Variants in INTS9 observed in about 807,000 individuals in gnomAD.
The protein encoded by INTS9 is protein related to CPSF subunits of 74 kDa.
In INTS9, 55 loss-of-function variants were observed where a neutral mutation model predicts 79.7. That is an observed-to-expected ratio of 0.69 (90% CI 0.56 to 0.86). The LOEUF (loss-of-function observed/expected upper bound fraction) is 0.86, where lower values mean the gene tolerates loss of function less well. Ranked by LOEUF, INTS9 falls within the 40% of genes least tolerant of loss-of-function variation. The pLI is 0.00. For synonymous variants in INTS9, 319 were observed against 325.2 expected, an observed-to-expected ratio of 0.98 and a Z score of 0.20; for missense variants, 721 against 831.5, an observed-to-expected ratio of 0.87 and a Z score of 1.64.
chr8:28,837,277 T>C (rs528068590), intron 5 of INTS9, among the ~76,000 whole-genome samples: 64 of 151,660 alleles, frequency 4.2e-4, no homozygotes, highest in Middle Eastern at 3.6e-3. Context: ...AGCAATAAAA[T>C]TTCTTCTTCT....
In INTS9 at chr8:28,773,421, G is replaced by A. The variant is rs1188895717; in HGVS notation, c.1563+2338C>T. Among the ~76,000 whole-genome samples, 8 of 141,044 alleles carry A rather than the reference G, an allele frequency of 5.7e-5. No individual in the cohort carries two copies. In the East Asian group the frequency reaches 1.5e-3, roughly 26 times the overall value. 92.5% of individuals were successfully genotyped at this position (141,044 alleles called of 152,430 possible). ...GGAGCTTGCAGTGAGCCAAGATCGC[G>A]CCAATGCACTCCAGCTTGGGTGACA... On this transcript the variant is annotated intron_variant, in intron 14 of 16. Coordinates refer to ENST00000521022, the MANE Select transcript of INTS9 (RefSeq NM_018250.4).
At chr8:28,878,278 G>C (rs77164365) in intron 1 of INTS9, among the ~76,000 whole-genome samples, 8,212 of 152,178 alleles carry the variant, frequency 0.054, 360 homozygotes, top group Non-Finnish European at 0.079. Flanking sequence ...TTCTGGAAAG[G>C]AGGATAAAGA....
intron 1 of INTS9, among the ~76,000 whole-genome samples, chr8:28,882,412 G>A (rs1379461104): frequency 2.2e-5 from 3 of 137,796 alleles, no homozygotes; most frequent in African/African-American, 5.3e-5. Flanking sequence ...ATTGTCCTAT[G>A]ACCCTGCCAA....
intron 1 of INTS9, among the ~76,000 whole-genome samples, chr8:28,870,349 CTTTTTTTTTTTT>C (rs10580665): frequency 3.7e-5 from 3 of 80,590 alleles, no homozygotes; most frequent in Admixed American, 3.9e-4. Context: ...CAGAAAAAAG[CTTTTTTTTTTTT>C]TTTTTTTTTT....
intron 12 of INTS9, among the ~76,000 whole-genome samples, chr8:28,778,285 C>T (rs1031124601): frequency 6.6e-6 from 1 of 152,214 alleles, no homozygotes; most frequent in East Asian, 1.9e-4. Flanking sequence ...GCAACCATTA[C>T]AGTTCATCAC....
intron 6 of INTS9, among the ~76,000 whole-genome samples, chr8:28,823,101 C>T (rs1805941540): frequency 6.6e-6 from 1 of 152,126 alleles, no homozygotes; most frequent in South Asian, 2.1e-4. Flanking sequence ...GGGGAGAGGA[C>T]TTTTCAAGGA....
chr8:28,773,456 T>G, intron 14 of INTS9, among the ~76,000 whole-genome samples: 1 of 65,156 alleles, frequency 1.5e-5, no homozygotes, highest in Non-Finnish European at 3.0e-5. Context: ...AGAGCGAGAC[T>G]CCGTCTCAAA....
At chr8:28,828,702 C>CT (rs796567590) in intron 6 of INTS9, among the ~76,000 whole-genome samples, 107 of 145,016 alleles carry the variant, frequency 7.4e-4, no homozygotes, top group South Asian at 1.5e-3. Flanking sequence ...GGTTTTAAGT[C>CT]TTTTTTTTTT....
At position 28,859,580 on chromosome 8, in the gene INTS9, C is replaced by A. The variant is rs764676381; in HGVS notation, c.10-17G>T. Reference sequence around the variant, plus strand: ...CAGGCAATACTGAAAAAAATTAAATCACTTTGATCAGTAATCAATTACAGA... The same window carrying A: ...CAGGCAATACTGAAAAAAATTAAATAACTTTGATCAGTAATCAATTACAGA... On this transcript the variant is annotated splice_polypyrimidine_tract_variant and intron_variant, in intron 1 of 16. Transcript: ENST00000521022. 6.2e-7 allele frequency: 1 copy of A among 1,613,158 alleles called. No individual in the cohort carries two copies. The highest frequency in any genetic ancestry group is 8.5e-7 in the Non-Finnish European group (1 of 1,179,240).
intron 6 of INTS9, among the ~76,000 whole-genome samples, chr8:28,825,409 G>C (rs1806089542): frequency 6.6e-6 from 1 of 152,264 alleles, no homozygotes; most frequent in South Asian, 2.1e-4. Context: ...TCTTTTAAAG[G>C]CTGACTAGAA....
At chr8:28,840,075 G>A (rs1167022405) in intron 4 of INTS9, among the ~76,000 whole-genome samples, 1 of 145,966 alleles carries the variant, frequency 6.9e-6, no homozygotes, top group African/African-American at 2.6e-5. Context: ...AATCTACAAT[G>A]AACTCAAACA....
At position 28,828,853 on chromosome 8, in the gene INTS9, T is replaced by C. The variant is rs544771640; in HGVS notation, c.488+6439A>G. Among the ~76,000 whole-genome samples the C allele has an allele frequency of 5.3e-5, 8 of 152,238 alleles. No homozygotes were observed. The South Asian group carries it at 1.7e-3, about 32-fold the overall frequency. On this transcript the variant is annotated intron_variant, in intron 6 of 16. Transcript: ENST00000521022. The stretch of plus-strand genomic sequence containing the variant: ...GCTGGGATTATAGGTATGACTAATT[T>C]TGTATTTTTAGTAGAGACGGGGTTT...
At chr8:28,870,349 C>CTTTT (rs10580665) in intron 1 of INTS9, among the ~76,000 whole-genome samples, 13 of 80,584 alleles carry the variant, frequency 1.6e-4, no homozygotes, top group Non-Finnish European at 1.7e-4. Context: ...CAGAAAAAAG[C>CTTTT]TTTTTTTTTT....
chr8:28,854,460 G>C (rs2131273244), intron 2 of INTS9, among the ~76,000 whole-genome samples: 1 of 152,214 alleles, frequency 6.6e-6, no homozygotes, highest in East Asian at 1.9e-4. Context: ...TGGTAGAGCA[G>C]AAAACAGGAG....
chr8:28,848,994 C>T (rs757806442), intron 3 of INTS9, among the ~76,000 whole-genome samples: 7 of 152,196 alleles, frequency 4.6e-5, no homozygotes, highest in African/African-American at 7.2e-5. Flanking sequence ...TTACAGTCAG[C>T]TCTGAAGAAA....
At chr8:28,812,760 A>G (rs574410946) in intron 7 of INTS9, among the ~76,000 whole-genome samples, 60 of 152,182 alleles carry the variant, frequency 3.9e-4, no homozygotes, top group Non-Finnish European at 7.1e-4. Context: ...TTGGGGCAGG[A>G]GGATCACTGG....
intron 1 of INTS9, among the ~76,000 whole-genome samples, chr8:28,860,310 T>C (rs1456997296): frequency 6.6e-6 from 1 of 152,062 alleles, no homozygotes; most frequent in Non-Finnish European, 1.5e-5. Context: ...ACACTGAAAA[T>C]ATCTATATGG....
intron 6 of INTS9, among the ~76,000 whole-genome samples, chr8:28,822,438 G>A (rs1026429097): frequency 6.6e-6 from 1 of 152,138 alleles, no homozygotes; most frequent in Non-Finnish European, 1.5e-5. Flanking sequence ...CAACTTAGCC[G>A]TGTAATAGCA....
chr8:28,862,382 G>T, intron 1 of INTS9: 1 of 242,578 alleles, frequency 4.1e-6, no homozygotes, highest in Non-Finnish European at 6.6e-6. Context: ...TTTTCCTCAT[G>T]TTACATGACA....
Sources: allele counts gnomAD v4.1 joint callset (sites outside exome capture counted in the v4.1 genomes callset), GRCh38; gene constraint gnomAD v4.1.1; transcripts MANE v1.5; gene names NCBI Gene and HGNC (gene_info 2026-07-23, HGNC 2026-07-21).